The following NDFIP2 variants were observed in gnomAD, a reference collection of about 807,000 sequenced individuals.
The protein encoded by NDFIP2 is Nedd4 family interacting protein 2.
Under a neutral mutation model 36.0 loss-of-function variants are expected in NDFIP2, and 19 were observed. The ratio of observed to expected loss-of-function variants is 0.53; its 90% CI spans 0.37 to 0.77. The LOEUF (loss-of-function observed/expected upper bound fraction) is 0.77, where lower values mean the gene tolerates loss of function less well. Ranked by LOEUF, NDFIP2 falls within the 30% of genes least tolerant of loss-of-function variation. The pLI is 0.00. For synonymous variants in NDFIP2, 181 were observed against 167.7 expected, an observed-to-expected ratio of 1.08 and a Z score of -0.61; for missense variants, 446 against 435.8, an observed-to-expected ratio of 1.02 and a Z score of -0.21.
chr13:79,493,189 A>C (rs1353749370), intron 1 of NDFIP2, among the ~76,000 whole-genome samples: 4 of 152,204 alleles, frequency 2.6e-5, no homozygotes, highest in Non-Finnish European at 4.4e-5. Context: ...ATAAATACTT[A>C]TTAAAGAAAT....
intron 4 of NDFIP2, among the ~76,000 whole-genome samples, chr13:79,541,500 A>G (rs377756995): frequency 2.0e-5 from 3 of 151,792 alleles, no homozygotes; most frequent in African/African-American, 7.2e-5. Flanking sequence ...TTCCTGTTTT[A>G]CAAATATTGT....
chr13:79,529,701 T>C (rs997291294), intron 2 of NDFIP2, among the ~76,000 whole-genome samples: 2 of 152,194 alleles, frequency 1.3e-5, no homozygotes, highest in Admixed American at 1.3e-4. Flanking sequence ...TTGATAGCAC[T>C]AAAAATTGTT....
intron 1 of NDFIP2, among the ~76,000 whole-genome samples, chr13:79,485,093 G>A (rs1872913047): frequency 6.6e-6 from 1 of 152,180 alleles, no homozygotes; most frequent in Non-Finnish European, 1.5e-5. Context: ...CAGCATATTT[G>A]TGTAGGTTTT....
At chr13:79,511,026 G>T (rs1594847609) in intron 1 of NDFIP2, among the ~76,000 whole-genome samples, 1 of 149,378 alleles carries the variant, frequency 6.7e-6, no homozygotes, top group Non-Finnish European at 1.5e-5. Context: ...AGGTGGCCTT[G>T]TTATATAGAT....
At chr13:79,517,156 C>G (rs1338334985) in intron 1 of NDFIP2, among the ~76,000 whole-genome samples, 3 of 152,108 alleles carry the variant, frequency 2.0e-5, no homozygotes, top group Non-Finnish European at 1.5e-5. Context: ...CTTTTCACCA[C>G]CCTGGTTGAT....
At chr13:79,495,501 ATTAC>A (rs1323922141) in intron 1 of NDFIP2, among the ~76,000 whole-genome samples, 3 of 152,026 alleles carry the variant, frequency 2.0e-5, no homozygotes, top group South Asian at 2.1e-4. Context: ...AGTTTTTGCC[ATTAC>A]TTTAAAATAC....
At chr13:79,537,103 T>G in intron 3 of NDFIP2, among the ~76,000 whole-genome samples, 1 of 152,074 alleles carries the variant, frequency 6.6e-6, no homozygotes, top group Non-Finnish European at 1.5e-5. Context: ...TATTGATTTT[T>G]TGGTGGTGGT....
rs1874838501 is a variant in NDFIP2 at position 79,527,250 on chromosome 13, A to G, written c.488-6073A>G. 2.0e-5 allele frequency among the ~76,000 whole-genome samples: 3 copies of G among 152,362 alleles called. No individual in the cohort carries two copies. In the East Asian group the frequency reaches 5.8e-4, roughly 29 times the overall value. ...ATGATAGTATTTTTAAATATTGCAT[A>G]AACATTAAAATTAGGTTTTTTGAAG... On this transcript the variant is annotated intron_variant, in intron 2 of 7. Transcript: ENST00000218652.
intron 3 of NDFIP2, among the ~76,000 whole-genome samples, chr13:79,537,999 G>T (rs1440994940): frequency 6.6e-6 from 1 of 152,202 alleles, no homozygotes; most frequent in African/African-American, 2.4e-5. Context: ...GGCGGAAGGT[G>T]AGGGGGAAGC....
intron 1 of NDFIP2, among the ~76,000 whole-genome samples, chr13:79,484,312 G>A (rs2079830898): frequency 6.6e-6 from 1 of 152,118 alleles, no homozygotes. Context: ...ACAGAGCCCG[G>A]CCAAAGTTCT....
chr13:79,505,038 C>A (rs1873808038), intron 1 of NDFIP2, among the ~76,000 whole-genome samples: 1 of 152,138 alleles, frequency 6.6e-6, no homozygotes, highest in African/African-American at 2.4e-5. Context: ...TACTTTCTTG[C>A]CATAGAGCAT....
intron 1 of NDFIP2, among the ~76,000 whole-genome samples, chr13:79,510,373 ATTTTTTTTGTT>A (rs1874037519): frequency 7.0e-6 from 1 of 143,862 alleles, no homozygotes; most frequent in African/African-American, 2.7e-5. Context: ...GCCCATGGTG[ATTTTTTTTGTT>A]TTTTTTTTTT....
Position 79,488,380 on chromosome 13 carries a change from T to C in NDFIP2, c.321+6856T>C, listed in dbSNP as rs1375662024. On this transcript the variant is annotated intron_variant, in intron 1 of 7. Coordinates refer to ENST00000218652, the MANE Select transcript of NDFIP2 (RefSeq NM_019080.3). ...TGTAAATACGTTATTTGGTTGAGTT[T>C]AGCTCATTAAAAAAAAATTATACAA... Among the ~76,000 whole-genome samples the C allele has an allele frequency of 2.0e-5, 3 of 152,260 alleles. No individual in the cohort carries two copies. The East Asian group carries it at 5.8e-4, about 29-fold the overall frequency.
At chr13:79,543,715 C>G in intron 5 of NDFIP2, 33 bp downstream of exon 5, 1 of 1,600,696 alleles carries the variant, frequency 6.2e-7, no homozygotes, top group Non-Finnish European at 8.5e-7. Flanking sequence ...TCTCTTTTAT[C>G]TCTAAAATGA....
chr13:79,481,642 T>TAA, intron 1 of NDFIP2, 118 bp downstream of exon 1: 2 of 1,266,268 alleles, frequency 1.6e-6, no homozygotes, highest in Non-Finnish European at 2.2e-6. Context: ...TGTGTTTTGT[T>TAA]TTGTTTTTTT....
At chr13:79,521,020 T>G in intron 2 of NDFIP2, 45 bp downstream of exon 2, 1 of 1,466,790 alleles carries the variant, frequency 6.8e-7, no homozygotes, top group Non-Finnish European at 9.3e-7. Flanking sequence ...TTTTTTTTTT[T>G]GACATTTTGG....
intron 3 of NDFIP2, 116 bp from the exon 4 acceptor site, chr13:79,539,566 G>T: frequency 1.4e-6 from 1 of 739,168 alleles, no homozygotes; most frequent in Non-Finnish European, 2.3e-6. Flanking sequence ...ACTCATTATT[G>T]CATTTGTCTA....
Position 79,511,407 on chromosome 13 carries a change from G to T in NDFIP2, c.322-9403G>T, listed in dbSNP as rs189166916. Among the ~76,000 whole-genome samples, 11 of 152,220 alleles carry T rather than the reference G, an allele frequency of 7.2e-5. No homozygotes were observed. The South Asian group carries it at 1.2e-3, about 17-fold the overall frequency. On this transcript the variant is annotated intron_variant, in intron 1 of 7. Coordinates refer to ENST00000218652, the MANE Select transcript of NDFIP2 (RefSeq NM_019080.3). ...GGTTGGCATTTACATTCTTCTTTGG[G>T]ATATATATTCAGTGACCTGTAGTTT...
chr13:79,545,514 A>G (rs999079465), intron 5 of NDFIP2, among the ~76,000 whole-genome samples: 3 of 152,192 alleles, frequency 2.0e-5, no homozygotes, highest in Non-Finnish European at 2.9e-5. Flanking sequence ...TTATGCCTTT[A>G]GTGTGTACTA....
Sources: allele counts gnomAD v4.1 joint callset (sites outside exome capture counted in the v4.1 genomes callset), GRCh38; gene constraint gnomAD v4.1.1; transcripts MANE v1.5; gene names NCBI Gene and HGNC (gene_info 2026-07-23, HGNC 2026-07-21).